CFAP91: variants seen among roughly 807,000 people sequenced by gnomAD.
CFAP91 encodes the protein cilia and flagella associated protein 91, also known as cilia- and flagella-associated protein 91.
Under a neutral mutation model 95.9 loss-of-function variants are expected in CFAP91, and 85 were observed. That is an observed-to-expected ratio of 0.89 (90% CI 0.74 to 1.06). The LOEUF is 1.06. Ranked by LOEUF, CFAP91 falls within the 50% of genes least tolerant of loss-of-function variation. The probability of loss-of-function intolerance (pLI) is 0.00; values close to 1 mark genes in which losing one functional copy is unlikely to be tolerated. For missense variants in CFAP91, 962 were observed against 943.4 expected (o/e 1.02, Z -0.26); for synonymous variants, 335 against 327.5 (o/e 1.02, Z -0.25).
chr3:119,758,776 T>A (rs2054480102), intron 17 of CFAP91, among the ~76,000 whole-genome samples: 2 of 151,852 alleles, frequency 1.3e-5, no homozygotes, highest in African/African-American at 4.8e-5. Flanking sequence ...TGAGATGAGA[T>A]AGGGAAAAAT....
intron 10 of CFAP91, among the ~76,000 whole-genome samples, chr3:119,734,570 C>T (rs1447686267): frequency 6.6e-6 from 1 of 152,104 alleles, no homozygotes; most frequent in Non-Finnish European, 1.5e-5. Context: ...ATTGTAGTAA[C>T]ATTTATAATT....
Position 119,765,236 on chromosome 3 carries a change from G to T in CFAP91, c.*186G>T, listed in dbSNP as rs944879191. Reference sequence around the variant, plus strand: ...TCAATAATAATAATCAAATGAAAAAGCTTCATTCTCTTCAGTGTCTTCTAG... The same window carrying T: ...TCAATAATAATAATCAAATGAAAAATCTTCATTCTCTTCAGTGTCTTCTAG... On this transcript the variant is annotated 3_prime_UTR_variant, in exon 18 of 18. Transcript: ENST00000273390. The T allele has an allele frequency of 1.3e-5, 2 of 152,064 alleles. No homozygotes were observed. The highest frequency in any genetic ancestry group is 4.8e-5 in the African/African-American group (2 of 41,404). The allele number at this position is 152,064 out of a possible 1,614,324, so 9.4% of individuals were successfully genotyped here. A position where few individuals can be genotyped will look rare whatever the true frequency, so the allele number is the denominator to read the frequency against.
intron 17 of CFAP91, among the ~76,000 whole-genome samples, chr3:119,764,737 C>T (rs1458686214): frequency 6.6e-6 from 1 of 151,978 alleles, no homozygotes; most frequent in Non-Finnish European, 1.5e-5. Context: ...GGAGTTCACA[C>T]CAGGGGAAAA....
rs1014192552 is a variant in CFAP91 at position 119,740,714 on chromosome 3, T to C, written c.1680+19T>C. On this transcript the variant is annotated intron_variant, in intron 13 of 17. Coordinates refer to ENST00000273390, the MANE Select transcript of CFAP91 (RefSeq NM_033364.4). ...GCACAAGGTTTTCCTTTTTTTGTTT[T>C]CTTGTTACTTTCTTGTTAAATTTTC... 3.1e-6 allele frequency: 5 copies of C among 1,606,888 alleles called. No individual in the cohort carries two copies. The highest frequency in any genetic ancestry group is 4.3e-6 in the Non-Finnish European group (5 of 1,175,892).
chr3:119,709,185 CTCAAA>C (rs2053430171), intron 4 of CFAP91, among the ~76,000 whole-genome samples: 1 of 152,146 alleles, frequency 6.6e-6, no homozygotes, highest in African/African-American at 2.4e-5. Context: ...TAACCATATA[CTCAAA>C]TCAAATTAAA....
At chr3:119,737,873 C>T (rs1413571097) in intron 11 of CFAP91, among the ~76,000 whole-genome samples, 1 of 152,164 alleles carries the variant, frequency 6.6e-6, no homozygotes, top group South Asian at 2.1e-4. Context: ...GTCATCAAGA[C>T]GGACTTGCTT....
rs76451972 is a variant in CFAP91 at position 119,764,149 on chromosome 3, G to A, written c.*2-903G>A. 1.4e-3 allele frequency among the ~76,000 whole-genome samples: 214 copies of A among 152,110 alleles called. 11 individuals are homozygous for A. The East Asian group carries it at 0.039, about 28-fold the overall frequency. On this transcript the variant is annotated intron_variant, in intron 17 of 17. Transcript: ENST00000273390. ...ATAAATGAAATAGTAAAGGATGTTGGCAGTAAGTCAAAGTAAAATGGAAAG... is the reference window on the plus strand; with the variant it reads ...ATAAATGAAATAGTAAAGGATGTTGACAGTAAGTCAAAGTAAAATGGAAAG...
chr3:119,709,008 A>T lies in CFAP91; in HGVS notation c.443+334A>T, dbSNP rs539005815. 5.9e-5 allele frequency among the ~76,000 whole-genome samples: 9 copies of T among 152,354 alleles called. No individual in the cohort carries two copies. In the South Asian group the frequency reaches 1.9e-3, roughly 32 times the overall value. On this transcript the variant is annotated intron_variant, in intron 4 of 17. Coordinates refer to ENST00000273390, the MANE Select transcript of CFAP91 (RefSeq NM_033364.4). ...AGAATATGTATTTGAAAATATTTGA[A>T]ATGAAGTCATCAAATGAACGACACA...
chr3:119,762,555 C>G (rs536244598), intron 17 of CFAP91, among the ~76,000 whole-genome samples: 102 of 151,904 alleles, frequency 6.7e-4, no homozygotes, highest in African/African-American at 2.4e-3. Context: ...AAGAACAAAG[C>G]CATCACACTA....
At position 119,715,997 on chromosome 3, in the gene CFAP91, G is replaced by A. The variant is rs555460416; in HGVS notation, c.682+254G>A. 1.4e-5 allele frequency: 8 copies of A among 591,738 alleles called. No individual in the cohort carries two copies. In the African/African-American group the frequency reaches 1.5e-4, roughly 11 times the overall value. The allele number at this position is 591,738 out of a possible 1,614,324, so 36.7% of individuals were successfully genotyped here. ...AGCTTAATATTGCAGTTGCTTTGCT[G>A]ACTACTCACCTATGTCCTCTCATTT... On this transcript the variant is annotated intron_variant, in intron 6 of 17. Coordinates refer to ENST00000273390, the MANE Select transcript of CFAP91 (RefSeq NM_033364.4).
chr3:119,707,739 A>ATATATATATATATG (rs1229872013), intron 3 of CFAP91, among the ~76,000 whole-genome samples, 178 bp downstream of exon 3: 32 of 148,728 alleles, frequency 2.2e-4, no homozygotes, highest in African/African-American at 7.6e-4. Flanking sequence ...TGAGATATAT[A>ATATATATATATATG]TATATATATA....
At position 119,766,246 on chromosome 3, in the gene CFAP91, C is replaced by T. The variant is rs1334453896; in HGVS notation, c.*1196C>T. ...TGTAGATGACCTATCCCACAGCAAT[C>T]GGAGTTCTTGAAGAAGAAACCAGAA... On this transcript the variant is annotated 3_prime_UTR_variant, in exon 18 of 18. Transcript: ENST00000273390. The T allele has an allele frequency of 2.0e-5, 3 of 151,970 alleles. No individual in the cohort carries two copies. Among genetic ancestry groups the T allele is most frequent in the Non-Finnish European group, 2.9e-5 (2 of 67,984 alleles). The allele number at this position is 151,970 out of a possible 1,614,324, so 9.4% of individuals were successfully genotyped here.
intron 7 of CFAP91, 91 bp from the exon 8 acceptor site, chr3:119,730,129 C>A: frequency 1.5e-6 from 2 of 1,297,334 alleles, no homozygotes; most frequent in Non-Finnish European, 2.1e-6. Context: ...ATGATAGCAG[C>A]CCACAGAGAA....
rs575191946 is a variant in CFAP91, at chr3:119,732,596, A to G, written c.1201+120A>G. 245 of 708,024 alleles carry G rather than the reference A, an allele frequency of 3.5e-4. 4 individuals are homozygous for G. In the South Asian group the frequency reaches 4.0e-3, roughly 12 times the overall value. 43.9% of individuals were successfully genotyped at this position (708,024 alleles called of 1,614,324 possible). ...AGCAATAAAAATATTTGCAATAAACACTGATGATACAAACCAATAAAAACT... is the reference window on the plus strand; with the variant it reads ...AGCAATAAAAATATTTGCAATAAACGCTGATGATACAAACCAATAAAAACT... On this transcript the variant is annotated intron_variant, in intron 9 of 17. Coordinates refer to ENST00000273390, the MANE Select transcript of CFAP91 (RefSeq NM_033364.4).
chr3:119,757,454 G>C (rs779003862), intron 17 of CFAP91, among the ~76,000 whole-genome samples: 9 of 152,020 alleles, frequency 5.9e-5, no homozygotes, highest in Non-Finnish European at 1.2e-4. Flanking sequence ...AACCAGCCTG[G>C]ACAACATGGT....
intron 16 of CFAP91, among the ~76,000 whole-genome samples, chr3:119,749,379 C>A (rs1165704795): frequency 6.6e-6 from 1 of 152,090 alleles, no homozygotes; most frequent in African/African-American, 2.4e-5. Context: ...TTAAAATTAG[C>A]TAGGTGTGGT....
chr3:119,710,693 C>T (rs1283627837), intron 5 of CFAP91, among the ~76,000 whole-genome samples: 1 of 152,174 alleles, frequency 6.6e-6, no homozygotes, highest in Non-Finnish European at 1.5e-5. Context: ...ATAAACAAAT[C>T]AGTCATGTAA....
At chr3:119,763,472 A>T (rs1430734038) in intron 17 of CFAP91, among the ~76,000 whole-genome samples, 2 of 152,148 alleles carry the variant, frequency 1.3e-5, no homozygotes, top group Non-Finnish European at 2.9e-5. Context: ...CTGGGTGTAT[A>T]TCCAAAGGTA....
chr3:119,725,729 C>T (rs1319050406), intron 6 of CFAP91, among the ~76,000 whole-genome samples: 1 of 151,964 alleles, frequency 6.6e-6, no homozygotes, highest in Non-Finnish European at 1.5e-5. Context: ...TATACTCCAG[C>T]CTGGGCAACA....
Sources: gnomAD v4.1 joint callset for allele counts (sites outside exome capture counted in the v4.1 genomes callset) on GRCh38, gnomAD v4.1.1 for gene constraint, MANE v1.5 for transcripts, NCBI Gene and HGNC (gene_info 2026-07-23, HGNC 2026-07-21) for gene names.